DCC: variants seen among roughly 807,000 people sequenced by gnomAD.
The protein encoded by DCC is DCC netrin 1 receptor, also known as netrin receptor DCC.
DCC carries 58 observed loss-of-function variants against 172.5 expected under a neutral mutation model. The ratio of observed to expected loss-of-function variants is 0.34; its 90% CI spans 0.27 to 0.42. DCC has a LOEUF of 0.42. DCC is among the 10% of genes least tolerant of loss of function. DCC has a pLI of 1.00. For synonymous variants in DCC, 709 were observed against 644.5 expected (o/e 1.10, Z -1.52); for missense variants, 1,740 against 1,791.0 (o/e 0.97, Z 0.51).
At chr18:52,428,695 A>G (rs1987522690) in intron 1 of DCC, among the ~76,000 whole-genome samples, 1 of 152,128 alleles carries the variant, frequency 6.6e-6, no homozygotes, top group Non-Finnish European at 1.5e-5. Context: ...TGTGAGACAG[A>G]GCAAGCCATG....
chr18:52,552,161 G>A (rs1470339930), intron 1 of DCC, among the ~76,000 whole-genome samples: 1 of 151,838 alleles, frequency 6.6e-6, no homozygotes, highest in East Asian at 1.9e-4. Context: ...GTAGGTACAT[G>A]AAAATAGGTA....
intron 1 of DCC, among the ~76,000 whole-genome samples, chr18:52,529,484 G>T (rs2032083276): frequency 6.6e-6 from 1 of 152,160 alleles, no homozygotes; most frequent in Non-Finnish European, 1.5e-5. Context: ...TAGAGACAGG[G>T]TTTCCCCGTG....
At chr18:52,769,543 G>A (rs1169093267) in intron 2 of DCC, among the ~76,000 whole-genome samples, 1 of 151,996 alleles carries the variant, frequency 6.6e-6, no homozygotes, top group Non-Finnish European at 1.5e-5. Context: ...TCTCTTGATG[G>A]CATCCTTCAT....
At chr18:53,516,877 G>GAAGT (rs1458003076) in intron 27 of DCC, among the ~76,000 whole-genome samples, 2 of 142,694 alleles carry the variant, frequency 1.4e-5, no homozygotes, top group Admixed American at 6.8e-5. Flanking sequence ...AACCATTGTG[G>GAAGT]AAGTCAGTGT....
At chr18:52,802,261 G>A (rs897032028) in intron 2 of DCC, among the ~76,000 whole-genome samples, 8 of 152,078 alleles carry the variant, frequency 5.3e-5, no homozygotes, top group South Asian at 2.1e-4. Context: ...TTAGGTTTTA[G>A]TATCTACCGT....
At chr18:53,267,622 C>T (rs138125952) in intron 12 of DCC, among the ~76,000 whole-genome samples, 1 of 152,226 alleles carries the variant, frequency 6.6e-6, no homozygotes, top group African/African-American at 2.4e-5. Context: ...TCATGCCCAA[C>T]TAATTTTTTT....
rs557667544 is a variant in DCC, at chr18:53,514,156, A to G, written c.4112-12461A>G. ...CTCAGGATTAAGAATCTCACTCAAA[A>G]CCGCTCAACTACATGGAAACTGAAC... On this transcript the variant is annotated intron_variant, in intron 27 of 28. Transcript: ENST00000442544. 4.1e-4 allele frequency among the ~76,000 whole-genome samples: 63 copies of G among 152,308 alleles called. No homozygotes were observed. The East Asian group carries it at 7.3e-3, about 18-fold the overall frequency.
intron 12 of DCC, among the ~76,000 whole-genome samples, chr18:53,279,933 C>T (rs1161259777): frequency 6.6e-6 from 1 of 151,838 alleles, no homozygotes; most frequent in Non-Finnish European, 1.5e-5. Flanking sequence ...CTGGGGTCTA[C>T]TTAAGGGTGG....
intron 2 of DCC, among the ~76,000 whole-genome samples, chr18:52,839,671 A>T (rs2038770881): frequency 6.6e-6 from 1 of 152,216 alleles, no homozygotes; most frequent in South Asian, 2.1e-4. Context: ...AATTTATTCT[A>T]AGAGCAAAAT....
In DCC at chr18:53,534,091, T is replaced by C. The variant is rs774206355; in HGVS notation, c.*3438T>C. On this transcript the variant is annotated 3_prime_UTR_variant, in exon 29 of 29. Transcript: ENST00000442544. ...CTTTGGGTACTTCTGTTGACTTTGT[T>C]TAAATAATCATCTTATGGTTGTCCC... The C allele has an allele frequency of 6.6e-6, 1 of 152,194 alleles. No homozygotes were observed. Among genetic ancestry groups the C allele is most frequent in the Non-Finnish European group, 1.5e-5 (1 of 68,040 alleles). 9.4% of individuals were successfully genotyped at this position (152,194 alleles called of 1,614,324 possible). A position where few individuals can be genotyped will look rare whatever the true frequency, so the allele number is the denominator to read the frequency against.
Position 53,312,009 on chromosome 18 carries a change from TA to T in DCC, c.2053+6293del. ...AAGATGTCTATTGGACAATAAAACT[TA>T]AAGATTACCATACAGTGGGTAGGGC... On this transcript the variant is annotated intron_variant, in intron 13 of 28. Transcript: ENST00000442544. Among the ~76,000 whole-genome samples, 3 of 152,026 alleles carry T rather than the reference TA, an allele frequency of 2.0e-5. No individual in the cohort carries two copies. In the South Asian group the frequency reaches 6.2e-4, roughly 32 times the overall value.
At chr18:53,450,947 T>C (rs1036747408) in intron 23 of DCC, among the ~76,000 whole-genome samples, 3 of 152,196 alleles carry the variant, frequency 2.0e-5, no homozygotes, top group African/African-American at 7.2e-5. Flanking sequence ...GTTCCTTAGG[T>C]AACACCTAGA....
chr18:53,410,759 G>A (rs1909933336), intron 20 of DCC, 113 bp downstream of exon 20: 1 of 731,752 alleles, frequency 1.4e-6, no homozygotes, highest in Admixed American at 1.9e-5. Context: ...CATGGCTGCA[G>A]TGGACATTCA....
chr18:52,925,976 C>A (rs1467651411), intron 5 of DCC, among the ~76,000 whole-genome samples: 1 of 151,722 alleles, frequency 6.6e-6, no homozygotes, highest in African/African-American at 2.4e-5. Context: ...TTCTACATGG[C>A]AGTTATTCAA....
intron 15 of DCC, among the ~76,000 whole-genome samples, chr18:53,354,556 G>A (rs1032339643): frequency 3.3e-5 from 5 of 152,118 alleles, no homozygotes; most frequent in Admixed American, 6.5e-5. Context: ...CTGCATAAAT[G>A]TCTTCTTTTG....
chr18:52,956,396 T>C (rs1031926309), intron 5 of DCC, among the ~76,000 whole-genome samples: 6 of 152,028 alleles, frequency 3.9e-5, no homozygotes, highest in Admixed American at 1.3e-4. Flanking sequence ...TGAAAATAGC[T>C]TTCTATTTCT....
chr18:52,724,069 C>T (rs558732940), intron 1 of DCC, among the ~76,000 whole-genome samples: 82 of 152,276 alleles, frequency 5.4e-4, no homozygotes, highest in Non-Finnish European at 9.1e-4. Context: ...CTCTAGAGAC[C>T]ATCCATCACT....
intron 12 of DCC, among the ~76,000 whole-genome samples, chr18:53,304,571 T>C (rs1279022821): frequency 6.6e-6 from 1 of 152,082 alleles, no homozygotes; most frequent in East Asian, 1.9e-4. Flanking sequence ...GGCCTCTGAG[T>C]TGAATATCCC....
intron 2 of DCC, among the ~76,000 whole-genome samples, chr18:52,884,997 T>G (rs2039548374): frequency 6.6e-6 from 1 of 152,152 alleles, no homozygotes; most frequent in Non-Finnish European, 1.5e-5. Context: ...TTTTCCTTAC[T>G]TTGTCTCAAA....
Sources: allele counts gnomAD v4.1 joint callset (sites outside exome capture counted in the v4.1 genomes callset), GRCh38; gene constraint gnomAD v4.1.1; transcripts MANE v1.5; gene names NCBI Gene and HGNC (gene_info 2026-07-23, HGNC 2026-07-21).